Variants in LAMC3 observed in about 807,000 individuals in gnomAD.
The protein encoded by LAMC3 is laminin subunit gamma-3.
LAMC3 carries 128 observed loss-of-function variants against 173.8 expected under a neutral mutation model. That is an observed-to-expected ratio of 0.74 (90% CI 0.64 to 0.85). LAMC3 has a LOEUF of 0.85. Ranked by LOEUF, LAMC3 falls within the 40% of genes least tolerant of loss-of-function variation. The pLI is 0.00. For missense variants in LAMC3, 2,022 were observed against 2,156.0 expected (o/e 0.94, Z 1.23); for synonymous variants, 897 against 909.1 (o/e 0.99, Z 0.24).
chr9:131,049,072 A>G lies in LAMC3; in HGVS notation c.1572A>G (p.Gln524=), dbSNP rs146946941. 444 of 1,552,338 alleles carry G rather than the reference A, an allele frequency of 2.9e-4. 1 individual carries two copies. The highest frequency in any genetic ancestry group is 1.2e-3 in the Middle Eastern group (7 of 5,934). The change falls in exon 9 of 28, where the codon CAA becomes CAG. Residue 524 remains glutamine (Q), a synonymous_variant. Transcript: ENST00000361069. ...TGGGGGGCTCTGAGCACCCCCCACA[A>G]TGGAGCCCAAATGGGGTCCTCCTGA... The part of the protein sequence containing the change: ...RSVGGSEHPP[Q]WSPNGVLLSP...
intron 27 of LAMC3, 111 bp from the exon 28 acceptor site, chr9:131,091,426 G>GC: frequency 7.2e-7 from 1 of 1,395,806 alleles, no homozygotes. Context: ...TGGATGGTGG[G>GC]CCATTGGAAT....
Position 131,087,817 on chromosome 9 carries a change from G to C in LAMC3, c.4477G>C (p.Gly1493Arg). 2.5e-6 allele frequency: 4 copies of C among 1,613,698 alleles called. No individual in the cohort carries two copies. The highest frequency in any genetic ancestry group is 3.4e-6 in the Non-Finnish European group (4 of 1,179,844). Reference sequence around the variant, plus strand: ...CTTGTCAGAGCTGCTTGCCAGGCTGGGTAAGGAGGCCCTAAGGCTGGGCCC... The same window carrying C: ...CTTGTCAGAGCTGCTTGCCAGGCTGCGTAAGGAGGCCCTAAGGCTGGGCCC... ...ETLSELLARL[G>R]SLDTHQAPAQ... Residue 1493 changes from glycine to arginine, a missense_variant and splice_region_variant, in exon 27 of 28, where the codon GGG becomes CGG. Physicochemically the swap from Gly to Arg is moderately radical, Grantham distance 125 (BLOSUM62 -2). Coordinates refer to ENST00000361069, the MANE Select transcript of LAMC3 (RefSeq NM_006059.4).
At chr9:131,018,398 G>A (rs1158857236) in intron 1 of LAMC3, among the ~76,000 whole-genome samples, 2 of 151,840 alleles carry the variant, frequency 1.3e-5, no homozygotes, top group Non-Finnish European at 2.9e-5. Context: ...GCCTCCCAAA[G>A]TGCTGGGATT....
intron 12 of LAMC3, among the ~76,000 whole-genome samples, chr9:131,058,584 T>C (rs1240535344): frequency 1.3e-5 from 2 of 151,934 alleles, no homozygotes; most frequent in African/African-American, 2.4e-5. Context: ...AGAAGGCTGC[T>C]GGGCATTTTT....
intron 13 of LAMC3, among the ~76,000 whole-genome samples, chr9:131,065,321 G>C (rs1156911884): frequency 6.6e-6 from 1 of 152,188 alleles, no homozygotes; most frequent in Non-Finnish European, 1.5e-5. Context: ...CAGGTAACCT[G>C]GAGGCTGGAA....
At chr9:131,082,305 A>G (rs1187918757) in intron 24 of LAMC3, 144 bp downstream of exon 24, 4 of 693,452 alleles carry the variant, frequency 5.8e-6, no homozygotes, top group Non-Finnish European at 1.1e-5. Flanking sequence ...CTTTCCCTCC[A>G]CCTCTCAGGA....
At position 131,067,176 on chromosome 9, in the gene LAMC3, T is replaced by C. The variant is rs992815344; in HGVS notation, c.2564T>C (p.Leu855Pro). The C allele has an allele frequency of 1.2e-6, 2 of 1,613,958 alleles. No homozygotes were observed. The highest frequency in any genetic ancestry group is 1.6e-4 in the Middle Eastern group (1 of 6,084). ...HCQEGFYGSA[L>P]APRPADKCMP... ...CAGGAAGGCTTCTACGGGAGCGCCC[T>C]GGCCCCTCGACCCGCAGACAAATGC... Residue 855 changes from leucine (L) to proline (P), a missense_variant, in exon 14 of 28, where the codon CTG (leucine) becomes CCG (proline). Physicochemically the swap from Leu to Pro is moderately conservative, Grantham distance 98. Coordinates refer to ENST00000361069, the MANE Select transcript of LAMC3 (RefSeq NM_006059.4).
intron 22 of LAMC3, 116 bp downstream of exon 22, chr9:131,077,450 GT>G: frequency 7.5e-7 from 1 of 1,328,344 alleles, no homozygotes; most frequent in South Asian, 1.2e-5. Flanking sequence ...GCCGAGGCGG[GT>G]GGATCACCTG....
chr9:131,082,227 C>T (rs945468005), intron 24 of LAMC3, 66 bp downstream of exon 24: 47 of 1,209,162 alleles, frequency 3.9e-5, no homozygotes, highest in East Asian at 1.5e-4. Flanking sequence ...ACTCACCTCT[C>T]GCCTCAGCCA....
Position 131,009,724 on chromosome 9 carries a change from A to C in LAMC3, c.373+137A>C. ...ATGGTGTTGGATGGAGGGGCTCAGAAATAGGAATTAGGCTGGGTGCGGTGG... is the reference window on the plus strand; with the variant it reads ...ATGGTGTTGGATGGAGGGGCTCAGACATAGGAATTAGGCTGGGTGCGGTGG... On this transcript the variant is annotated intron_variant, in intron 1 of 27. Coordinates refer to ENST00000361069, the MANE Select transcript of LAMC3 (RefSeq NM_006059.4). The surrounding 1 kb of genome is among the most constrained non-coding windows in gnomAD (Gnocchi z 4.3). 1 of 1,086,962 alleles carries C rather than the reference A, an allele frequency of 9.2e-7. No homozygotes were observed. Among genetic ancestry groups the C allele is most frequent in the Non-Finnish European group, 1.3e-6 (1 of 763,010 alleles). The allele number at this position is 1,086,962 out of a possible 1,614,324, so 67.3% of individuals were successfully genotyped here.
At chr9:131,028,256 C>G (rs1833763897) in intron 2 of LAMC3, among the ~76,000 whole-genome samples, 1 of 152,160 alleles carries the variant, frequency 6.6e-6, no homozygotes, top group Non-Finnish European at 1.5e-5. Flanking sequence ...CACCGCCTAC[C>G]CCGTTCGTGG....
At chr9:131,023,546 T>C (rs148487448) in intron 1 of LAMC3, among the ~76,000 whole-genome samples, 46 of 152,346 alleles carry the variant, frequency 3.0e-4, no homozygotes, top group African/African-American at 1.1e-3. Context: ...GCATTTTTTC[T>C]TGTGTTTCTT....
Position 131,009,952 on chromosome 9 carries a change from G to C in LAMC3, c.373+365G>C, listed in dbSNP as rs1011884573. On this transcript the variant is annotated intron_variant, in intron 1 of 27. Transcript: ENST00000361069. The surrounding 1 kb of genome is among the most constrained non-coding windows in gnomAD (Gnocchi z 4.3). ...GCGGATCACCTGAGGTCAGGAGTTC[G>C]AGACCAGCCTGGCCAACATGGTGAA... is the stretch of plus-strand genomic sequence containing the variant. Among the ~76,000 whole-genome samples the C allele has an allele frequency of 4.6e-5, 7 of 151,870 alleles. No individual in the cohort carries two copies. Among genetic ancestry groups the C allele is most frequent in the Admixed American group, 4.6e-4 (7 of 15,246 alleles).
chr9:131,052,399 T>C (rs1834305963), intron 9 of LAMC3, 92 bp from the exon 10 acceptor site: 1 of 1,214,166 alleles, frequency 8.2e-7, no homozygotes, highest in Non-Finnish European at 1.2e-6. Context: ...TTTATCTTTT[T>C]TGAATGTTTA....
At chr9:131,051,138 A>C (rs1834278294) in intron 9 of LAMC3, among the ~76,000 whole-genome samples, 1 of 152,194 alleles carries the variant, frequency 6.6e-6, no homozygotes, top group Non-Finnish European at 1.5e-5. Context: ...GGCGCGCTAC[A>C]GAATTTGAGG....
rs1487328515 is a variant in LAMC3, at chr9:131,091,519, G to C, written c.4478-18G>C. On this transcript the variant is annotated intron_variant, in intron 27 of 27. Coordinates refer to ENST00000361069, the MANE Select transcript of LAMC3 (RefSeq NM_006059.4). Reference sequence around the variant, plus strand: ...AGGGCTGCTGGCTCACAGTGAGGCTGTTTGTGCCCCACCACAGGGTCGCTG... The same window carrying C: ...AGGGCTGCTGGCTCACAGTGAGGCTCTTTGTGCCCCACCACAGGGTCGCTG... The C allele has an allele frequency of 1.3e-6, 2 of 1,568,842 alleles. No individual in the cohort carries two copies. Among genetic ancestry groups the C allele is most frequent in the East Asian group, 2.3e-5 (1 of 42,620 alleles).
At chr9:131,023,153 C>T (rs181726225) in intron 1 of LAMC3, among the ~76,000 whole-genome samples, 14 of 152,296 alleles carry the variant, frequency 9.2e-5, no homozygotes, top group Admixed American at 7.8e-4. Flanking sequence ...ATATATGCCA[C>T]GTTTTATTGA....
chr9:131,034,800 G>T (rs1240515540), intron 3 of LAMC3, among the ~76,000 whole-genome samples: 1 of 152,218 alleles, frequency 6.6e-6, no homozygotes, highest in Non-Finnish European at 1.5e-5. Context: ...CGAGCATGCC[G>T]CGGGCTCCCA....
rs1445240665 is a variant in LAMC3, at chr9:131,045,536, G to C, written c.1395G>C (p.Gly465=). ...EGNLCDRCRP[G]TFNLQPHNPA... is the part of the protein sequence containing the mutation. The stretch of plus-strand genomic sequence containing the variant: ...GCCTCCATTTCAGATGTCGCCCGGG[G>C]ACCTTTAACCTGCAGCCCCACAATC... Residue 465 remains glycine, a synonymous_variant, in exon 8 of 28, where the codon GGG becomes GGC. Transcript: ENST00000361069. 1.9e-6 allele frequency: 3 copies of C among 1,613,644 alleles called. No individual in the cohort carries two copies. Among genetic ancestry groups the C allele is most frequent in the African/African-American group, 2.7e-5 (2 of 74,942 alleles).
Sources: allele counts gnomAD v4.1 joint callset (sites outside exome capture counted in the v4.1 genomes callset), GRCh38; gene constraint gnomAD v4.1.1; non-coding constraint Gnocchi (gnomAD v3.1); transcripts MANE v1.5; gene names NCBI Gene and HGNC (gene_info 2026-07-23, HGNC 2026-07-21).